POLR1B: variants seen among roughly 807,000 people sequenced by gnomAD.
POLR1B encodes the protein RNA polymerase I subunit B.
In POLR1B, 30 loss-of-function variants were observed where a neutral mutation model predicts 105.8. The ratio of observed to expected loss-of-function variants is 0.28; its 90% confidence interval spans 0.21 to 0.38. The LOEUF is 0.38. Ranked by LOEUF, POLR1B falls within the 10% of genes least tolerant of loss-of-function variation. The pLI is 1.00. For missense variants in POLR1B, 976 were observed against 1,435.8 expected (o/e 0.68, Z 5.17); for synonymous variants, 485 against 505.1 (o/e 0.96, Z 0.53).
intron 12 of POLR1B, 76 bp from the exon 13 acceptor site, chr2:112,572,485 GT>G: frequency 9.6e-7 from 1 of 1,036,962 alleles, no homozygotes; most frequent in Non-Finnish European, 1.4e-6. Context: ...ATATTTAGTT[GT>G]TTCCAGTGTT....
chr2:112,555,785 A>G lies in POLR1B; in HGVS notation c.1159-2125A>G, dbSNP rs1221068259. ...CGAGTATCTGATTTCCTTACCAGCT[A>G]CGTTAAAGCTTTTAAACCTTTGAGT... is the stretch of plus-strand genomic sequence containing the variant. On this transcript the variant is annotated intron_variant, in intron 7 of 14. Coordinates refer to ENST00000263331, the MANE Select transcript of POLR1B (RefSeq NM_019014.6). Among the ~76,000 whole-genome samples, 2 of 152,252 alleles carry G rather than the reference A, an allele frequency of 1.3e-5. 1 individual carries two copies. The highest frequency in any genetic ancestry group is 4.8e-5 in the African/African-American group (2 of 41,466).
rs772487422 is a variant in POLR1B at position 112,575,214 on chromosome 2, A to G, written c.2893A>G (p.Met965Val). 1.2e-4 allele frequency: 190 copies of G among 1,614,006 alleles called. No homozygotes were observed. Among genetic ancestry groups the G allele is most frequent in the Non-Finnish European group, 1.5e-4 (179 of 1,180,034 alleles). ...CTCGGCCTTAGAATACTTTGGTGAG[A>G]TGTTAAAGGCTGCTGGCTACAATTT... ...ENSALEYFGE[M>V]LKAAGYNFYG... Residue 965 changes from methionine (M) to valine (V), a missense_variant, in exon 15 of 15, where the codon ATG (methionine) becomes GTG (valine). Physicochemically the swap from Met to Val is conservative, Grantham distance 21. Around this residue, in one of 12 missense-constraint regions of POLR1B, gnomAD observed 40 missense variants for 49.6 expected, o/e 0.81. Coordinates refer to ENST00000263331, the MANE Select transcript of POLR1B (RefSeq NM_019014.6). The surrounding 1 kb of genome is among the most constrained non-coding windows in gnomAD (Gnocchi z 5.3).
chr2:112,571,916 G>C (rs1684613002), intron 12 of POLR1B, among the ~76,000 whole-genome samples: 1 of 152,228 alleles, frequency 6.6e-6, no homozygotes, highest in Non-Finnish European at 1.5e-5. Context: ...TGTATGTGTA[G>C]TTGGGGGTCT....
chr2:112,567,868 G>T, intron 10 of POLR1B, 99 bp from the exon 11 acceptor site: 1 of 1,015,878 alleles, frequency 9.8e-7, no homozygotes, highest in Non-Finnish European at 1.5e-6. Flanking sequence ...TTTTACCATG[G>T]CTGAGTGTGG....
At chr2:112,572,398 C>T (rs1055292688) in intron 12 of POLR1B, among the ~76,000 whole-genome samples, 164 bp from the exon 13 acceptor site, 5 of 152,230 alleles carry the variant, frequency 3.3e-5, no homozygotes, top group Non-Finnish European at 4.4e-5. Flanking sequence ...AGGTTTACTT[C>T]ATTTTCACAG....
Position 112,573,631 on chromosome 2 carries a change from C to A in POLR1B, c.2341C>A (p.Leu781Ile), listed in dbSNP as rs1337010958. The change falls in exon 14 of 15, where the codon CTC becomes ATC. Residue 781 changes from leucine to isoleucine, a missense_variant. This residue lies in a region of POLR1B where 119 missense variants were observed against 149.7 expected (regional missense o/e 0.79). Transcript: ENST00000263331. ...GSVYKSEFID[L>I]SEKIKQGDSS... ...TGTCTACAAGTCTGAGTTCATAGAC[C>A]TCTCTGAAAAAATTAAACAAGGAGA... The A allele has an allele frequency of 6.2e-7, 1 of 1,614,104 alleles. No homozygotes were observed.
Position 112,574,977 on chromosome 2 carries a change from C to T in POLR1B, c.2656C>T (p.Arg886Cys), listed in dbSNP as rs2104583299. 2.5e-6 allele frequency: 4 copies of T among 1,614,110 alleles called. No homozygotes were observed. Among genetic ancestry groups the T allele is most frequent in the Non-Finnish European group, 2.5e-6 (3 of 1,180,022 alleles). ...AACTATCGGAGATAAATTTGCCAGTCGCCATGGGCAGAAGGGCATTTTAAG... is the reference window on the plus strand; with the variant it reads ...AACTATCGGAGATAAATTTGCCAGTTGCCATGGGCAGAAGGGCATTTTAAG... ...NPTIGDKFASRHGQKGILSRL... is the reference protein window; with the variant it reads ...NPTIGDKFASCHGQKGILSRL... Residue 886 changes from arginine (R) to cysteine (C), a missense_variant, in exon 15 of 15, where the codon CGC becomes TGC. By Grantham distance (180) the Arg-to-Cys change is radical. Around this residue, in one of 12 missense-constraint regions of POLR1B, gnomAD observed 35 missense variants for 102.5 expected, o/e 0.34. Transcript: ENST00000263331.
intron 12 of POLR1B, among the ~76,000 whole-genome samples, chr2:112,570,329 T>A (rs6712366): frequency 1.3e-4 from 19 of 151,996 alleles, no homozygotes; most frequent in African/African-American, 4.4e-4. Context: ...GTTACAGGTG[T>A]GAGCCACTGC....
At chr2:112,554,005 T>C (rs534307322) in intron 7 of POLR1B, among the ~76,000 whole-genome samples, 34 of 152,294 alleles carry the variant, frequency 2.2e-4, no homozygotes, top group African/African-American at 8.2e-4. Context: ...TTAATATATT[T>C]TTAGTAGAGG....
chr2:112,553,370 T>G (rs1472781229), intron 7 of POLR1B: 1 of 150,708 alleles, frequency 6.6e-6, no homozygotes, highest in Non-Finnish European at 1.5e-5. Flanking sequence ...GACTTTTTTG[T>G]TTTTTTTTGA....
At chr2:112,564,086 A>G (rs1056930641) in intron 9 of POLR1B, among the ~76,000 whole-genome samples, 7 of 152,222 alleles carry the variant, frequency 4.6e-5, no homozygotes, top group African/African-American at 1.2e-4. Flanking sequence ...ACAGATCACC[A>G]TAACAGATAT....
At chr2:112,565,419 T>G (rs1434879492) in intron 10 of POLR1B, among the ~76,000 whole-genome samples, 5 of 152,236 alleles carry the variant, frequency 3.3e-5, no homozygotes, top group Admixed American at 3.3e-4. Flanking sequence ...GATTTTAGTG[T>G]ACTTTTTCTA....
chr2:112,568,293 A>G (rs557666078), intron 11 of POLR1B, among the ~76,000 whole-genome samples, 156 bp downstream of exon 11: 208 of 152,310 alleles, frequency 1.4e-3, no homozygotes, highest in Non-Finnish European at 2.1e-3. Flanking sequence ...CTCTATGATC[A>G]GCACAGAGCA....
intron 1 of POLR1B, among the ~76,000 whole-genome samples, chr2:112,544,320 T>A (rs1032185753): frequency 2.0e-5 from 3 of 152,062 alleles, no homozygotes; most frequent in African/African-American, 7.2e-5. Flanking sequence ...TAATCCCAGC[T>A]ACTCAGGAGG....
At position 112,551,806 on chromosome 2, in the gene POLR1B, T is replaced by C; in HGVS notation, c.794T>C (p.Phe265Ser). The C allele has an allele frequency of 1.2e-6, 2 of 1,614,158 alleles. No individual in the cohort carries two copies. The highest frequency in any genetic ancestry group is 1.3e-5 in the African/African-American group (1 of 75,064). The part of the protein sequence containing the change: ...ALVSFSDYQI[F>S]QELIKGKEDD... ...GTCAGCTTTTCTGATTATCAGATCT[T>C]TCAGGAGCTCATCAAAGGAAAAGAG... is the stretch of plus-strand genomic sequence containing the variant. The change falls in exon 6 of 15, where the codon TTT becomes TCT. Residue 265 changes from phenylalanine to serine, a missense_variant. By Grantham distance (155) the Phe-to-Ser change is radical (BLOSUM62 -2). Coordinates refer to ENST00000263331, the MANE Select transcript of POLR1B (RefSeq NM_019014.6).
chr2:112,575,963 A>G lies in POLR1B; in HGVS notation c.*234A>G. On this transcript the variant is annotated 3_prime_UTR_variant, in exon 15 of 15. Coordinates refer to ENST00000263331, the MANE Select transcript of POLR1B (RefSeq NM_019014.6). The surrounding 1 kb of genome is among the most constrained non-coding windows in gnomAD (Gnocchi z 5.3). ...AAAGTTCATGTCTTCTCAAAATATG[A>G]AATATTGATAAATGGAAGAGCATAC... 3 of 509,516 alleles carry G rather than the reference A, an allele frequency of 5.9e-6. No individual in the cohort carries two copies. Among genetic ancestry groups the G allele is most frequent in the Non-Finnish European group, 3.5e-6 (1 of 286,394 alleles). 31.6% of individuals were successfully genotyped at this position (509,516 alleles called of 1,614,324 possible). A position where few individuals can be genotyped will look rare whatever the true frequency, so the allele number is the denominator to read the frequency against.
chr2:112,561,588 G>T (rs1308321145), intron 9 of POLR1B, among the ~76,000 whole-genome samples: 2 of 151,992 alleles, frequency 1.3e-5, no homozygotes, highest in African/African-American at 4.8e-5. Flanking sequence ...TCAAGCCTCG[G>T]GTTACAACAT....
chr2:112,573,185 C>T (rs12989687), intron 13 of POLR1B, among the ~76,000 whole-genome samples: 34,247 of 152,178 alleles, frequency 0.23, 4,045 homozygotes, highest in Middle Eastern at 0.27. Context: ...TCACTGCAAC[C>T]TCCACCTTCT....
At chr2:112,555,085 G>A (rs1683586733) in intron 7 of POLR1B, among the ~76,000 whole-genome samples, 1 of 152,228 alleles carries the variant, frequency 6.6e-6, no homozygotes, top group African/African-American at 2.4e-5. Context: ...GGAGGCTGAG[G>A]TAGGAGAGTT....
Sources: gnomAD v4.1 joint callset for allele counts (sites outside exome capture counted in the v4.1 genomes callset) on GRCh38, gnomAD v4.1.1 for gene constraint, gnomAD v4.1.1 regional missense constraint, Gnocchi (gnomAD v3.1) non-coding constraint, MANE v1.5 for transcripts, NCBI Gene and HGNC (gene_info 2026-07-23, HGNC 2026-07-21) for gene names.